GRID1: variants seen among roughly 807,000 people sequenced by gnomAD.
GRID1 encodes the protein glutamate receptor ionotropic, delta-1.
Under a neutral mutation model 98.0 loss-of-function variants are expected in GRID1, and 28 were observed. That is an observed-to-expected ratio of 0.29 (90% CI 0.21 to 0.39). The LOEUF (loss-of-function observed/expected upper bound fraction) is 0.39, where lower values mean the gene tolerates loss of function less well. GRID1 is among the 10% of genes least tolerant of loss of function. GRID1 has a pLI of 1.00. For synonymous variants in GRID1, 553 were observed against 538.5 expected (o/e 1.03, Z -0.37); for missense variants, 1,111 against 1,340.5 (o/e 0.83, Z 2.67).
At chr10:86,323,355 T>C (rs1326646272) in intron 2 of GRID1, among the ~76,000 whole-genome samples, 1 of 152,238 alleles carries the variant, frequency 6.6e-6, no homozygotes, top group Non-Finnish European at 1.5e-5. Context: ...TATAAAGCAC[T>C]GGTGCAGAGC....
intron 4 of GRID1, 24 bp downstream of exon 4, chr10:86,138,795 A>T (rs754134287): frequency 1.1e-5 from 17 of 1,590,896 alleles, no homozygotes; most frequent in Non-Finnish European, 1.5e-5. Flanking sequence ...CAGGCCCCTG[A>T]GGCCTCAGGC....
chr10:86,268,308 C>T (rs1847135508), intron 2 of GRID1, among the ~76,000 whole-genome samples: 1 of 152,244 alleles, frequency 6.6e-6, no homozygotes, highest in South Asian at 2.1e-4. Flanking sequence ...TGTTTCCAAG[C>T]TGGTTCCAGC....
chr10:85,688,549 G>T (rs182302359), intron 12 of GRID1, among the ~76,000 whole-genome samples: 58 of 152,202 alleles, frequency 3.8e-4, no homozygotes, highest in Non-Finnish European at 7.2e-4. Context: ...CCCAAAGCAG[G>T]AAGGAAGCTA....
chr10:85,635,338 A>T (rs777110666), intron 13 of GRID1, among the ~76,000 whole-genome samples: 2 of 152,136 alleles, frequency 1.3e-5, no homozygotes, highest in African/African-American at 2.4e-5. Flanking sequence ...TAAAGGGGCC[A>T]ACTCAGTCAA....
chr10:85,725,323 A>G (rs1379617520), intron 10 of GRID1, among the ~76,000 whole-genome samples: 1 of 152,206 alleles, frequency 6.6e-6, no homozygotes, highest in African/African-American at 2.4e-5. Flanking sequence ...CCCTTAATTC[A>G]TGGCTTGCAA....
chr10:85,907,926 A>G (rs2131819675), intron 5 of GRID1, among the ~76,000 whole-genome samples: 1 of 152,334 alleles, frequency 6.6e-6, no homozygotes, highest in Non-Finnish European at 1.5e-5. Context: ...GCAAAAAGAA[A>G]AACCATATGA....
intron 3 of GRID1, among the ~76,000 whole-genome samples, chr10:86,175,580 C>T (rs949414688): frequency 1.3e-5 from 2 of 152,234 alleles, no homozygotes; most frequent in Non-Finnish European, 2.9e-5. Flanking sequence ...AAGGACATCA[C>T]GGACCTTTCC....
intron 8 of GRID1, among the ~76,000 whole-genome samples, chr10:85,792,682 G>C (rs992407330): frequency 2.0e-5 from 3 of 152,162 alleles, no homozygotes; most frequent in African/African-American, 7.2e-5. Flanking sequence ...AGGTTCAAAG[G>C]CAGGGCCACT....
intron 3 of GRID1, among the ~76,000 whole-genome samples, chr10:86,146,429 A>C (rs542751283): frequency 2.3e-4 from 35 of 152,106 alleles, no homozygotes. Flanking sequence ...CCCTCCCACC[A>C]CCAGCTCCTA....
At chr10:85,810,424 G>T (rs1056695848) in intron 8 of GRID1, among the ~76,000 whole-genome samples, 9 of 152,182 alleles carry the variant, frequency 5.9e-5, no homozygotes, top group Non-Finnish European at 1.2e-4. Flanking sequence ...CAGTCCAGCA[G>T]ACCTGACCCT....
At chr10:85,959,963 C>T (rs1288023629) in intron 4 of GRID1, among the ~76,000 whole-genome samples, 1 of 152,018 alleles carries the variant, frequency 6.6e-6, no homozygotes, top group Non-Finnish European at 1.5e-5. Context: ...CTCATTGTAA[C>T]CTCCGCCTTC....
intron 2 of GRID1, among the ~76,000 whole-genome samples, chr10:86,259,862 A>G (rs1232083921): frequency 2.0e-5 from 3 of 152,256 alleles, no homozygotes; most frequent in Non-Finnish European, 4.4e-5. Flanking sequence ...GAGACCCACC[A>G]GCAGTCCCTC....
chr10:85,869,022 G>T lies in GRID1; in HGVS notation c.939C>A (p.Leu313=). The change falls in exon 6 of 16, where the codon CTC becomes CTA. Residue 313 remains leucine, a synonymous_variant. Coordinates refer to ENST00000327946, the MANE Select transcript of GRID1 (RefSeq NM_017551.3). The part of the protein sequence containing the change: ...SLLCDPQEGY[L]QMLQISNLYL... ...GCTGAGCACTGACCTGCAGCATCTG[G>T]AGGTAGCCTTCCTGGGGGTCGCAGA... The T allele has an allele frequency of 6.2e-7, 1 of 1,613,360 alleles. No homozygotes were observed. The highest frequency in any genetic ancestry group is 8.5e-7 in the Non-Finnish European group (1 of 1,179,530).
chr10:86,024,768 C>A (rs746593041), intron 4 of GRID1, among the ~76,000 whole-genome samples: 1 of 152,188 alleles, frequency 6.6e-6, no homozygotes, highest in Non-Finnish European at 1.5e-5. Flanking sequence ...TGGTTTCCTG[C>A]CCCATCACTC....
At chr10:85,937,984 G>A (rs1281591291) in intron 4 of GRID1, among the ~76,000 whole-genome samples, 1 of 152,184 alleles carries the variant, frequency 6.6e-6, no homozygotes, top group Non-Finnish European at 1.5e-5. Context: ...ATTCAGATAA[G>A]GCCAATGTGA....
At chr10:86,159,212 T>C (rs928474214) in intron 3 of GRID1, among the ~76,000 whole-genome samples, 4 of 152,242 alleles carry the variant, frequency 2.6e-5, no homozygotes, top group Admixed American at 6.5e-5. Flanking sequence ...AAAAGAAATA[T>C]ACTAAATTAA....
At chr10:85,818,375 T>C (rs569817171) in intron 8 of GRID1, among the ~76,000 whole-genome samples, 5 of 151,928 alleles carry the variant, frequency 3.3e-5, no homozygotes, top group Non-Finnish European at 7.4e-5. Flanking sequence ...GAAATAGAGA[T>C]GTGTGTGCAT....
chr10:85,835,220 T>G (rs1357946734), intron 8 of GRID1, among the ~76,000 whole-genome samples: 1 of 152,188 alleles, frequency 6.6e-6, no homozygotes, highest in Non-Finnish European at 1.5e-5. Flanking sequence ...GACAAGTCCA[T>G]AATTATAGTT....
chr10:86,149,453 C>A (rs1422497292), intron 3 of GRID1, among the ~76,000 whole-genome samples: 2 of 152,226 alleles, frequency 1.3e-5, no homozygotes, highest in Non-Finnish European at 2.9e-5. Context: ...CTTGAATGAG[C>A]CGTACCCACA....
Sources: allele counts gnomAD v4.1 joint callset (sites outside exome capture counted in the v4.1 genomes callset), GRCh38; gene constraint gnomAD v4.1.1; transcripts MANE v1.5; gene names NCBI Gene and HGNC (gene_info 2026-07-23, HGNC 2026-07-21).